Variants in PTPRD observed in about 807,000 individuals in gnomAD.
The protein encoded by PTPRD is protein tyrosine phosphatase receptor type D, also known as receptor-type tyrosine-protein phosphatase delta.
In PTPRD, 34 loss-of-function variants were observed where a neutral mutation model predicts 214.5. The ratio of observed to expected loss-of-function variants is 0.16; its 90% CI spans 0.12 to 0.21. The LOEUF is 0.21. Ranked by LOEUF, PTPRD falls within the 10% of genes least tolerant of loss-of-function variation. The pLI, the probability that PTPRD is intolerant of heterozygous loss-of-function variation, is 1.00. For synonymous variants in PTPRD, 1,128 were observed against 845.7 expected, an observed-to-expected ratio of 1.33 and a Z score of -5.79; for missense variants, 2,545 against 2,398.7, an observed-to-expected ratio of 1.06 and a Z score of -1.27.
chr9:10,590,862 A>G (rs1433033187), intron 2 of PTPRD, among the ~76,000 whole-genome samples: 2 of 151,344 alleles, frequency 1.3e-5, no homozygotes, highest in African/African-American at 2.4e-5. Flanking sequence ...CAAATGTTAT[A>G]TACTGAAAAC....
chr9:8,654,050 G>T (rs1400066148), intron 12 of PTPRD, among the ~76,000 whole-genome samples: 2 of 152,120 alleles, frequency 1.3e-5, no homozygotes, highest in South Asian at 2.1e-4. Context: ...CCTGTGCATT[G>T]CAAGAGATTG....
At chr9:9,852,252 A>G (rs895725177) in intron 5 of PTPRD, among the ~76,000 whole-genome samples, 1 of 152,188 alleles carries the variant, frequency 6.6e-6, no homozygotes, top group Non-Finnish European at 1.5e-5. Flanking sequence ...AATCTTCCTT[A>G]GGGAAGAGAT....
intron 5 of PTPRD, among the ~76,000 whole-genome samples, chr9:9,794,608 T>C (rs528266734): frequency 6.8e-4 from 104 of 152,016 alleles, no homozygotes; most frequent in Non-Finnish European, 9.9e-4. Flanking sequence ...ATGATAATCA[T>C]GACTAACATT....
intron 44 of PTPRD, among the ~76,000 whole-genome samples, chr9:8,322,595 A>G (rs562731948): frequency 1.8e-4 from 27 of 152,328 alleles, no homozygotes; most frequent in African/African-American, 6.3e-4. Context: ...TGAAGTTAGC[A>G]CAGGTTGGCT....
At chr9:9,573,430 T>C (rs1274914026) in intron 8 of PTPRD, among the ~76,000 whole-genome samples, 1 of 151,064 alleles carries the variant, frequency 6.6e-6, no homozygotes, top group Non-Finnish European at 1.5e-5. Flanking sequence ...AAAAAAAAAC[T>C]TATGTCAGTA....
intron 7 of PTPRD, among the ~76,000 whole-genome samples, chr9:9,693,027 T>C (rs2097302681): frequency 1.3e-5 from 2 of 152,072 alleles, no homozygotes; most frequent in Non-Finnish European, 2.9e-5. Context: ...TGGTAGAGTC[T>C]TTAGGATTCT....
intron 5 of PTPRD, among the ~76,000 whole-genome samples, chr9:9,832,625 A>T (rs573839111): frequency 6.6e-6 from 1 of 152,034 alleles, no homozygotes; most frequent in African/African-American, 2.4e-5. Flanking sequence ...ATTATGAAAC[A>T]TAAGAGAGAA....
At chr9:8,610,328 G>A (rs1430111853) in intron 14 of PTPRD, among the ~76,000 whole-genome samples, 4 of 152,080 alleles carry the variant, frequency 2.6e-5, no homozygotes, top group African/African-American at 4.8e-5. Context: ...ATAAATGGTG[G>A]CTATTATCAA....
At chr9:8,608,966 C>T (rs1033671889) in intron 14 of PTPRD, among the ~76,000 whole-genome samples, 1 of 152,080 alleles carries the variant, frequency 6.6e-6, no homozygotes, top group African/African-American at 2.4e-5. Flanking sequence ...AAGAAGCAAC[C>T]AGGTGAAAAA....
intron 11 of PTPRD, among the ~76,000 whole-genome samples, chr9:8,735,881 C>T (rs1449970081): frequency 1.5e-5 from 2 of 135,238 alleles, no homozygotes; most frequent in African/African-American, 2.9e-5. Context: ...CACTGCACTC[C>T]AGTCTGGGTG....
intron 9 of PTPRD, among the ~76,000 whole-genome samples, chr9:9,274,224 T>C (rs1332111680): frequency 6.6e-6 from 1 of 151,306 alleles, no homozygotes; most frequent in Non-Finnish European, 1.5e-5. Flanking sequence ...TTGTACATGG[T>C]ATAACATATA....
At chr9:10,124,640 G>A (rs1166172109) in intron 3 of PTPRD, among the ~76,000 whole-genome samples, 1 of 152,010 alleles carries the variant, frequency 6.6e-6, no homozygotes, top group African/African-American at 2.4e-5. Context: ...GTTTATTAGG[G>A]AGTTAGCATA....
chr9:8,755,225 A>C (rs925943103), intron 11 of PTPRD, among the ~76,000 whole-genome samples: 3 of 149,694 alleles, frequency 2.0e-5, no homozygotes, highest in South Asian at 2.1e-4. Context: ...TATTAAAAAA[A>C]AAAAAAACAA....
At chr9:8,777,035 C>T (rs1464572713) in intron 11 of PTPRD, among the ~76,000 whole-genome samples, 1 of 107,534 alleles carries the variant, frequency 9.3e-6, no homozygotes, top group Non-Finnish European at 2.1e-5. Context: ...GGCAGGAGTG[C>T]AGTGGCAGGA....
chr9:9,420,711 C>CAT (rs1382865779), intron 8 of PTPRD, among the ~76,000 whole-genome samples: 1 of 151,754 alleles, frequency 6.6e-6, no homozygotes, highest in Non-Finnish European at 1.5e-5. Flanking sequence ...TATATGACGA[C>CAT]GTACAACATA....
At chr9:10,122,447 G>C (rs762823883) in intron 3 of PTPRD, among the ~76,000 whole-genome samples, 1 of 152,066 alleles carries the variant, frequency 6.6e-6, no homozygotes, top group African/African-American at 2.4e-5. Context: ...AAGGGCTACC[G>C]TGGGAAAGTA....
At chr9:8,420,603 G>A (rs1440923319) in intron 35 of PTPRD, among the ~76,000 whole-genome samples, 1 of 152,078 alleles carries the variant, frequency 6.6e-6, no homozygotes, top group African/African-American at 2.4e-5. Flanking sequence ...AAGAGCAAAT[G>A]AGTACCAAGA....
chr9:9,802,087 AAG>A (rs1263768325), intron 5 of PTPRD, among the ~76,000 whole-genome samples: 3 of 152,048 alleles, frequency 2.0e-5, no homozygotes, highest in Non-Finnish European at 2.9e-5. Flanking sequence ...ATTGCGACTC[AAG>A]TTGCTTAAGG....
chr9:9,907,440 A>T (rs755441783), intron 5 of PTPRD, among the ~76,000 whole-genome samples: 14 of 151,886 alleles, frequency 9.2e-5, no homozygotes, highest in Non-Finnish European at 1.8e-4. Flanking sequence ...GTTTCTCATG[A>T]GGCCTCCCTT....
Sources: allele counts gnomAD v4.1 joint callset (sites outside exome capture counted in the v4.1 genomes callset), GRCh38; gene constraint gnomAD v4.1.1; transcripts MANE v1.5; gene names NCBI Gene and HGNC (gene_info 2026-07-23, HGNC 2026-07-21).